ASH1L: variants seen among roughly 807,000 people sequenced by gnomAD.
ASH1L encodes the protein ASH1 like histone lysine methyltransferase.
Under a neutral mutation model 269.0 loss-of-function variants are expected in ASH1L, and 23 were observed. The ratio of observed to expected loss-of-function variants is 0.09; its 90% CI spans 0.06 to 0.12. ASH1L has a LOEUF of 0.12. ASH1L is among the 10% of genes least tolerant of loss of function. ASH1L has a pLI of 1.00. For synonymous variants in ASH1L, 1,187 were observed against 1,253.5 expected (o/e 0.95, Z 1.12); for missense variants, 2,912 against 3,567.8 (o/e 0.82, Z 4.68).
chr1:155,501,203 C>T (rs1667474929), intron 2 of ASH1L, among the ~76,000 whole-genome samples: 2 of 152,042 alleles, frequency 1.3e-5, no homozygotes, highest in Non-Finnish European at 2.9e-5. Flanking sequence ...TGTCTTTCTT[C>T]CTTATTTTTA....
chr1:155,528,013 C>T (rs937787990), intron 1 of ASH1L, among the ~76,000 whole-genome samples: 7 of 152,088 alleles, frequency 4.6e-5, no homozygotes, highest in African/African-American at 9.7e-5. Context: ...TCCAGTCTTA[C>T]GGCTTTAAAT....
chr1:155,395,646 G>T, intron 6 of ASH1L, 93 bp from the exon 7 acceptor site: 1 of 739,256 alleles, frequency 1.4e-6, no homozygotes, highest in Non-Finnish European at 2.1e-6. Flanking sequence ...TGAGGAGAGG[G>T]TACCAAGTAC....
intron 1 of ASH1L, among the ~76,000 whole-genome samples, chr1:155,534,426 G>C (rs1156993575): frequency 6.6e-6 from 1 of 151,258 alleles, no homozygotes; most frequent in East Asian, 1.9e-4. Flanking sequence ...AATATAATGT[G>C]AGAGGATGAG....
At chr1:155,358,451 C>T (rs1286291067) in intron 13 of ASH1L, among the ~76,000 whole-genome samples, 1 of 151,786 alleles carries the variant, frequency 6.6e-6, no homozygotes, top group Non-Finnish European at 1.5e-5. Flanking sequence ...TTTGGGAGGC[C>T]AAGGCGGGCG....
rs1338750544 is a variant in ASH1L at position 155,439,037 on chromosome 1, T to A, written c.5118A>T (p.Leu1706Phe). The A allele has an allele frequency of 6.2e-7, 1 of 1,611,500 alleles. No individual in the cohort carries two copies. The highest frequency in any genetic ancestry group is 8.5e-7 in the Non-Finnish European group (1 of 1,178,826). Residue 1706 changes from leucine (L) to phenylalanine (F), a missense_variant, in exon 5 of 28, where the codon TTA (leucine) becomes TTT (phenylalanine). By Grantham distance (22) the Leu-to-Phe change is conservative (BLOSUM62 0). Coordinates refer to ENST00000392403, the MANE Select transcript of ASH1L (RefSeq NM_018489.3). ...CCACAGAGTCATCCCCAGAAGCAAC[T>A]AATCTTGGACTTCGAGAGGGAACTC... ...VNGVPSRSPR[L>F]VASGDDSVDS... is the part of the protein sequence containing the mutation.
chr1:155,505,507 C>A (rs1169132349), intron 2 of ASH1L, among the ~76,000 whole-genome samples: 1 of 152,120 alleles, frequency 6.6e-6, no homozygotes, highest in Non-Finnish European at 1.5e-5. Flanking sequence ...AAACTGTAAC[C>A]TCCTTTGTGA....
intron 3 of ASH1L, among the ~76,000 whole-genome samples, chr1:155,471,367 A>G (rs1665084331): frequency 6.6e-6 from 1 of 152,256 alleles, no homozygotes; most frequent in African/African-American, 2.4e-5. Context: ...GACCAGAAAG[A>G]CCAAATCACA....
chr1:155,400,359 C>G (rs1474694241), intron 6 of ASH1L, among the ~76,000 whole-genome samples: 1 of 151,434 alleles, frequency 6.6e-6, no homozygotes, highest in African/African-American at 2.4e-5. Context: ...CATATTACTT[C>G]TAAAGAGGAA....
chr1:155,547,761 A>C (rs1376135832), intron 1 of ASH1L, among the ~76,000 whole-genome samples: 1 of 151,756 alleles, frequency 6.6e-6, no homozygotes, highest in African/African-American at 2.4e-5. Flanking sequence ...TCATGAAGTC[A>C]GGAGATTGAG....
chr1:155,494,193 T>C (rs1004312437), intron 2 of ASH1L, among the ~76,000 whole-genome samples: 8 of 152,136 alleles, frequency 5.3e-5, no homozygotes, highest in Non-Finnish European at 2.9e-5. Context: ...AAGACAAAGA[T>C]GGATCCATGT....
chr1:155,544,444 G>A (rs770447943), intron 1 of ASH1L, among the ~76,000 whole-genome samples: 4 of 151,720 alleles, frequency 2.6e-5, no homozygotes, highest in Non-Finnish European at 5.9e-5. Context: ...CTGCAACCAC[G>A]ACCAGCCAAT....
intron 1 of ASH1L, among the ~76,000 whole-genome samples, chr1:155,549,184 A>AC (rs1166619425): frequency 6.6e-6 from 1 of 152,088 alleles, no homozygotes; most frequent in African/African-American, 2.4e-5. Flanking sequence ...CTCTACAAAA[A>AC]CCAAAAAAAT....
chr1:155,388,710 C>T (rs1041628597), intron 7 of ASH1L, among the ~76,000 whole-genome samples: 3 of 111,878 alleles, frequency 2.7e-5, no homozygotes, highest in East Asian at 3.2e-4. Flanking sequence ...TCCTGAATTG[C>T]GATTCTTTTT....
chr1:155,343,083 C>A lies in ASH1L; in HGVS notation c.8293+231G>T. 2.3e-6 allele frequency: 1 copy of A among 442,166 alleles called. No individual in the cohort carries two copies. Among genetic ancestry groups the A allele is most frequent in the Non-Finnish European group, 4.0e-6 (1 of 248,400 alleles). The allele number at this position is 442,166 out of a possible 1,614,324, so 27.4% of individuals were successfully genotyped here. ...TTGGAGTGCAGTGGTGCGATCTTGG[C>A]TCACTGCAACCTCTGCCTCCCAGGC... On this transcript the variant is annotated intron_variant, in intron 24 of 27. Transcript: ENST00000392403. This position sits in a 1 kb window ranked among gnomAD's most constrained non-coding sequence, Gnocchi z 6.1.
At chr1:155,439,624 T>C (rs1403833749) in intron 4 of ASH1L, among the ~76,000 whole-genome samples, 1 of 152,116 alleles carries the variant, frequency 6.6e-6, no homozygotes, top group Non-Finnish European at 1.5e-5. Flanking sequence ...TGCTTGAGCC[T>C]GGGAGGTCGA....
intron 6 of ASH1L, among the ~76,000 whole-genome samples, chr1:155,415,004 G>A (rs916789497): frequency 2.6e-5 from 4 of 152,100 alleles, no homozygotes; most frequent in Admixed American, 1.3e-4. Flanking sequence ...TCCAATCAGT[G>A]AAAAATGAAG....
intron 10 of ASH1L, among the ~76,000 whole-genome samples, chr1:155,375,677 G>C (rs1656370491): frequency 6.6e-6 from 1 of 152,014 alleles, no homozygotes; most frequent in African/African-American, 2.4e-5. Flanking sequence ...GTAAATCCCA[G>C]CTACTCGCAA....
At position 155,338,372 on chromosome 1, in the gene ASH1L, C is replaced by T; in HGVS notation, c.8520G>A (p.Glu2840=). 1 of 1,613,008 alleles carries T rather than the reference C, an allele frequency of 6.2e-7. No homozygotes were observed. The highest frequency in any genetic ancestry group is 8.5e-7 in the Non-Finnish European group (1 of 1,179,302). ...RNGGRSSWKS[E]RSKPPLKDLG... ...AGTCTTTTAGGGGTGGCTTTGAGCG[C>T]TCAGACTTCCAGGATGATCTGCCAG... Residue 2840 remains glutamate, a synonymous_variant, in exon 27 of 28, where the codon GAG becomes GAA. Transcript: ENST00000392403.
At chr1:155,531,587 A>G (rs959051610) in intron 1 of ASH1L, among the ~76,000 whole-genome samples, 6 of 152,234 alleles carry the variant, frequency 3.9e-5, no homozygotes, top group South Asian at 2.1e-4. Flanking sequence ...GACACATATT[A>G]TTACATAAAT....
Sources: gnomAD v4.1 joint callset for allele counts (sites outside exome capture counted in the v4.1 genomes callset) on GRCh38, gnomAD v4.1.1 for gene constraint, Gnocchi (gnomAD v3.1) non-coding constraint, MANE v1.5 for transcripts, NCBI Gene and HGNC (gene_info 2026-07-23, HGNC 2026-07-21) for gene names.